Variants in NAV2 observed in about 807,000 individuals in gnomAD.
NAV2 encodes neuron navigator 2, also known as helicase, APC down-regulated 1.
In NAV2, 54 loss-of-function variants were observed where a neutral mutation model predicts 223.2. The observed-to-expected ratio is 0.24, with a 90% CI of 0.19 to 0.30. NAV2 has a LOEUF of 0.30. NAV2 is among the 10% of genes least tolerant of loss of function. NAV2 has a pLI of 1.00. For synonymous variants in NAV2, 1,279 were observed against 1,239.3 expected, an observed-to-expected ratio of 1.03 and a Z score of -0.67; for missense variants, 2,806 against 3,147.5, an observed-to-expected ratio of 0.89 and a Z score of 2.60.
At chr11:19,994,980 C>G (rs2051723441) in intron 11 of NAV2, among the ~76,000 whole-genome samples, 2 of 152,330 alleles carry the variant, frequency 1.3e-5, no homozygotes, top group Middle Eastern at 3.4e-3. Flanking sequence ...GTTTGGAAAG[C>G]ATGAACTCTA....
rs2060267098 is a variant in NAV2, at chr11:20,084,127, T to C, written c.5498+948T>C. On this transcript the variant is annotated intron_variant, in intron 26 of 37. Transcript: ENST00000349880. ...TTGGTTTTGTTTTTGAGATGGAGTC[T>C]TGCTCTGTTGCCCAGGCTGGAGTGC... is the stretch of plus-strand genomic sequence containing the variant. Among the ~76,000 whole-genome samples, 7 of 152,228 alleles carry C rather than the reference T, an allele frequency of 4.6e-5. 1 individual carries two copies.
Position 20,049,090 on chromosome 11 carries a change from G to A in NAV2, c.4265G>A (p.Gly1422Glu), listed in dbSNP as rs1165423280. 1 of 1,614,060 alleles carries A rather than the reference G, an allele frequency of 6.2e-7. No individual in the cohort carries two copies. Among genetic ancestry groups the A allele is most frequent in the South Asian group, 1.1e-5 (1 of 91,072 alleles). The change falls in exon 15 of 38, where the codon GGG (glycine) becomes GAG (glutamate). Residue 1422 changes from glycine to glutamate, a missense_variant. Gly to Glu is a moderately conservative substitution (Grantham distance 98). Coordinates refer to ENST00000349880, the MANE Select transcript of NAV2 (RefSeq NM_145117.5). ...ATCGACATCTCCCTCAGCAGTGGAG[G>A]GGTCCCCAGCCACAATTCTTCCACT... Reference protein sequence around the residue: ...ESIDISLSSGGVPSHNSSTGL... With the variant: ...ESIDISLSSGEVPSHNSSTGL...
intron 1 of NAV2, among the ~76,000 whole-genome samples, chr11:19,557,431 A>C (rs1468457320): frequency 6.6e-6 from 1 of 152,252 alleles, no homozygotes; most frequent in Non-Finnish European, 1.5e-5. Context: ...ACTGTGAAGT[A>C]ATCTCTTCAC....
At chr11:19,507,813 C>G (rs1224681114) in intron 1 of NAV2, among the ~76,000 whole-genome samples, 1 of 152,014 alleles carries the variant, frequency 6.6e-6, no homozygotes, top group African/African-American at 2.4e-5. Context: ...TTATAACAAC[C>G]CTATCAGTGA....
At chr11:19,642,723 G>A (rs2047700418) in intron 1 of NAV2, among the ~76,000 whole-genome samples, 1 of 152,080 alleles carries the variant, frequency 6.6e-6, no homozygotes, top group Non-Finnish European at 1.5e-5. Flanking sequence ...GCAGGAGGGG[G>A]GCTGGATTGC....
intron 12 of NAV2, among the ~76,000 whole-genome samples, chr11:20,037,014 A>G (rs2056436882): frequency 6.6e-6 from 1 of 152,166 alleles, no homozygotes; most frequent in South Asian, 2.1e-4. Context: ...CCATTTTACT[A>G]GTGGAAACGT....
At chr11:20,082,156 G>C (rs940399063) in intron 25 of NAV2, among the ~76,000 whole-genome samples, 1 of 152,164 alleles carries the variant, frequency 6.6e-6, no homozygotes, top group Admixed American at 6.5e-5. Flanking sequence ...AAACTCCTAA[G>C]TGGATAGGTT....
At chr11:19,729,379 A>G (rs899412205) in intron 1 of NAV2, among the ~76,000 whole-genome samples, 4 of 152,158 alleles carry the variant, frequency 2.6e-5, no homozygotes, top group Admixed American at 6.5e-5. Flanking sequence ...CCCTGCTGCC[A>G]TTGGCAGGAG....
intron 11 of NAV2, among the ~76,000 whole-genome samples, chr11:20,006,554 A>G (rs1259758243): frequency 6.6e-6 from 1 of 152,090 alleles, no homozygotes; most frequent in African/African-American, 2.4e-5. Flanking sequence ...AGGTGCCTAT[A>G]ATCCCAGCTA....
chr11:19,986,027 C>G (rs1307205672), intron 11 of NAV2, among the ~76,000 whole-genome samples: 1 of 152,162 alleles, frequency 6.6e-6, no homozygotes, highest in African/African-American at 2.4e-5. Context: ...ATTCTTCTAT[C>G]CGTTGTTTAG....
intron 1 of NAV2, among the ~76,000 whole-genome samples, chr11:19,597,431 G>C (rs4497386): frequency 6.6e-6 from 1 of 151,944 alleles, no homozygotes; most frequent in Admixed American, 6.5e-5. Flanking sequence ...GTCTTGCCTC[G>C]CTGCCCCATC....
chr11:19,377,056 G>T (rs369311933), intron 1 of NAV2, among the ~76,000 whole-genome samples: 1 of 152,216 alleles, frequency 6.6e-6, no homozygotes, highest in Non-Finnish European at 1.5e-5. Context: ...AAAACATGGC[G>T]TGGGGAAAGT....
intron 1 of NAV2, among the ~76,000 whole-genome samples, chr11:19,520,103 C>G (rs767230271): frequency 2.0e-5 from 3 of 152,202 alleles, no homozygotes; most frequent in African/African-American, 7.2e-5. Context: ...CCAAAGGAGA[C>G]AGAGTGTTTC....
intron 1 of NAV2, among the ~76,000 whole-genome samples, chr11:19,482,430 C>T (rs911890883): frequency 1.3e-5 from 2 of 152,112 alleles, no homozygotes; most frequent in African/African-American, 2.4e-5. Flanking sequence ...TATAGGACCC[C>T]GGGGTTATTG....
chr11:20,040,751 C>T (rs962684244), intron 12 of NAV2, among the ~76,000 whole-genome samples: 9 of 152,170 alleles, frequency 5.9e-5, no homozygotes, highest in African/African-American at 2.2e-4. Context: ...AACAACTGGC[C>T]GAGGCATGGA....
At chr11:19,437,940 T>C (rs957547330) in intron 1 of NAV2, among the ~76,000 whole-genome samples, 1 of 152,214 alleles carries the variant, frequency 6.6e-6, no homozygotes, top group East Asian at 1.9e-4. Flanking sequence ...TGTGTATTTT[T>C]CTCCATAATA....
chr11:19,451,374 C>A (rs1851785367), intron 1 of NAV2, among the ~76,000 whole-genome samples: 1 of 152,196 alleles, frequency 6.6e-6, no homozygotes, highest in Non-Finnish European at 1.5e-5. Flanking sequence ...AAGCAGATCT[C>A]ACCCTAATAG....
chr11:19,884,916 C>G (rs1177743520), intron 5 of NAV2, among the ~76,000 whole-genome samples: 1 of 152,136 alleles, frequency 6.6e-6, no homozygotes, highest in Non-Finnish European at 1.5e-5. Context: ...GTCTTTGTTT[C>G]TGGATGCTCT....
chr11:19,381,465 G>T (rs572368603), intron 1 of NAV2, among the ~76,000 whole-genome samples: 25 of 152,290 alleles, frequency 1.6e-4, no homozygotes, highest in Admixed American at 1.6e-3. Flanking sequence ...TCAAAATCTG[G>T]GTGCCTGTGT....
Sources: gnomAD v4.1 joint callset for allele counts (sites outside exome capture counted in the v4.1 genomes callset) on GRCh38, gnomAD v4.1.1 for gene constraint, MANE v1.5 for transcripts, NCBI Gene and HGNC (gene_info 2026-07-23, HGNC 2026-07-21) for gene names.